TSPAN18: variants seen among roughly 807,000 people sequenced by gnomAD.
TSPAN18 encodes tetraspanin-18.
Under a neutral mutation model 27.3 loss-of-function variants are expected in TSPAN18, and 14 were observed. The observed-to-expected ratio is 0.51, with a 90% CI of 0.34 to 0.80. The LOEUF is 0.80. Among genes scored for constraint, TSPAN18 ranks in the 30% least tolerant of loss-of-function variants. TSPAN18 has a pLI of 0.01. For synonymous variants in TSPAN18, 143 were observed against 136.5 expected, an observed-to-expected ratio of 1.05 and a Z score of -0.33; for missense variants, 268 against 323.9, an observed-to-expected ratio of 0.83 and a Z score of 1.32.
intron 2 of TSPAN18, among the ~76,000 whole-genome samples, chr11:44,792,133 T>TA (rs1376885054): frequency 6.6e-6 from 1 of 152,200 alleles, no homozygotes; most frequent in Non-Finnish European, 1.5e-5. Flanking sequence ...TTCATGTGCA[T>TA]AATTAAATCT....
intron 2 of TSPAN18, among the ~76,000 whole-genome samples, chr11:44,769,825 C>A (rs1405478603): frequency 6.6e-6 from 1 of 152,116 alleles, no homozygotes; most frequent in East Asian, 1.9e-4. Context: ...GTTAACCTAG[C>A]CAGAGTTCTA....
chr11:44,918,177 A>T, intron 6 of TSPAN18, 131 bp downstream of exon 6: 1 of 941,186 alleles, frequency 1.1e-6, no homozygotes, highest in Non-Finnish European at 1.6e-6. Flanking sequence ...CTTCCAGCCC[A>T]AGTCATGGCC....
intron 1 of TSPAN18, among the ~76,000 whole-genome samples, chr11:44,738,022 CTGTG>C (rs1349701370): frequency 6.6e-6 from 1 of 152,106 alleles, no homozygotes; most frequent in Non-Finnish European, 1.5e-5. Context: ...GTTGACTTCT[CTGTG>C]TAATTTTTTT....
intron 2 of TSPAN18, among the ~76,000 whole-genome samples, chr11:44,843,981 A>G: frequency 6.6e-6 from 1 of 152,228 alleles, no homozygotes; most frequent in East Asian, 1.9e-4. Context: ...TTCTCAGCTG[A>G]CAGGATTAAG....
chr11:44,802,325 G>A (rs557750520), intron 2 of TSPAN18, among the ~76,000 whole-genome samples: 4 of 151,878 alleles, frequency 2.6e-5, no homozygotes, highest in African/African-American at 4.8e-5. Flanking sequence ...TGAGGTGGGT[G>A]GGGGGAGAGC....
chr11:44,920,342 T>C (rs1018308898), intron 8 of TSPAN18, among the ~76,000 whole-genome samples: 2 of 151,672 alleles, frequency 1.3e-5, no homozygotes, highest in Non-Finnish European at 2.9e-5. Context: ...GAACCAGAAT[T>C]GCACAGTGGG....
intron 3 of TSPAN18, among the ~76,000 whole-genome samples, chr11:44,861,449 G>A (rs1590595782): frequency 7.0e-6 from 1 of 142,246 alleles, no homozygotes; most frequent in Non-Finnish European, 1.5e-5. Context: ...ACTGGTCGGT[G>A]CTGGGGTGGG....
chr11:44,923,156 C>T (rs1191587873), intron 8 of TSPAN18, among the ~76,000 whole-genome samples: 1 of 152,124 alleles, frequency 6.6e-6, no homozygotes, highest in Non-Finnish European at 1.5e-5. Flanking sequence ...CAGAGGTGTC[C>T]AGTGGGCAGC....
chr11:44,781,359 A>C (rs569939463), intron 2 of TSPAN18, among the ~76,000 whole-genome samples: 115 of 152,342 alleles, frequency 7.5e-4, no homozygotes, highest in Non-Finnish European at 1.4e-3. Flanking sequence ...TGAGGTGGCT[A>C]AGTGGCTGCT....
chr11:44,878,822 A>G (rs4755910), intron 3 of TSPAN18, among the ~76,000 whole-genome samples: 62,091 of 152,072 alleles, frequency 0.41, 14,059 homozygotes, highest in Non-Finnish European at 0.51. Flanking sequence ...GGGTCTCCCA[A>G]TCTCCAAAAA....
intron 3 of TSPAN18, among the ~76,000 whole-genome samples, chr11:44,875,396 A>G (rs995351848): frequency 1.3e-5 from 2 of 152,200 alleles, no homozygotes; most frequent in African/African-American, 4.8e-5. Flanking sequence ...GGCTGGGAGC[A>G]AGTCTGGGCC....
At chr11:44,868,133 G>A (rs947711980) in intron 3 of TSPAN18, among the ~76,000 whole-genome samples, 2 of 152,216 alleles carry the variant, frequency 1.3e-5, no homozygotes, top group Admixed American at 1.3e-4. Context: ...GTGGATACCC[G>A]GGTCATGCAG....
chr11:44,815,761 G>T (rs777246516), intron 2 of TSPAN18, among the ~76,000 whole-genome samples: 18 of 152,158 alleles, frequency 1.2e-4, no homozygotes, highest in Non-Finnish European at 2.2e-4. Context: ...AGCTCACTGG[G>T]CAGGGGCAGC....
At chr11:44,811,039 C>T (rs747116289) in intron 2 of TSPAN18, among the ~76,000 whole-genome samples, 7 of 151,600 alleles carry the variant, frequency 4.6e-5, no homozygotes, top group Admixed American at 3.3e-4. Flanking sequence ...GGCTGATATC[C>T]GTCTCATCCC....
chr11:44,904,599 A>T (rs1859388748), intron 3 of TSPAN18, among the ~76,000 whole-genome samples: 1 of 152,190 alleles, frequency 6.6e-6, no homozygotes, highest in Non-Finnish European at 1.5e-5. Context: ...CTCTCCATGG[A>T]TTCAAATGCA....
chr11:44,756,603 T>G (rs1855338957), intron 1 of TSPAN18, among the ~76,000 whole-genome samples: 1 of 152,184 alleles, frequency 6.6e-6, no homozygotes. Context: ...GTAACCTCCA[T>G]TCTATTTCTG....
intron 2 of TSPAN18, among the ~76,000 whole-genome samples, chr11:44,775,886 AG>A (rs1855795669): frequency 6.6e-6 from 1 of 152,236 alleles, no homozygotes; most frequent in East Asian, 1.9e-4. Context: ...CTGGGAAGAC[AG>A]GGTGTTGCCT....
chr11:44,806,633 A>G (rs1856599074), intron 2 of TSPAN18, among the ~76,000 whole-genome samples: 1 of 152,214 alleles, frequency 6.6e-6, no homozygotes, highest in South Asian at 2.1e-4. Context: ...TGTTTAAAGG[A>G]AATTGTGAAA....
chr11:44,757,367 G>A (rs1195043297), intron 1 of TSPAN18, among the ~76,000 whole-genome samples: 1 of 150,292 alleles, frequency 6.7e-6, no homozygotes, highest in African/African-American at 2.4e-5. Context: ...CCAGAAAGCT[G>A]AGAAATGATT....
Sources: gnomAD v4.1 joint callset for allele counts (sites outside exome capture counted in the v4.1 genomes callset) on GRCh38, gnomAD v4.1.1 for gene constraint, MANE v1.5 for transcripts, NCBI Gene and HGNC (gene_info 2026-07-23, HGNC 2026-07-21) for gene names.